SV2C: variants seen among roughly 807,000 people sequenced by gnomAD.
SV2C encodes solute carrier family 22 member B3.
In SV2C, 49 loss-of-function variants were observed where a neutral mutation model predicts 79.7. That is an observed-to-expected ratio of 0.61 (90% CI 0.49 to 0.78). The LOEUF is 0.78. Among genes scored for constraint, SV2C ranks in the 30% least tolerant of loss-of-function variants. SV2C has a pLI of 0.00. For missense variants in SV2C, 833 were observed against 912.9 expected (o/e 0.91, Z 1.13); for synonymous variants, 334 against 333.2 (o/e 1.00, Z -0.03).
intron 12 of SV2C, among the ~76,000 whole-genome samples, chr5:76,316,444 C>T (rs1001779158): frequency 6.6e-6 from 1 of 152,178 alleles, no homozygotes; most frequent in African/African-American, 2.4e-5. Flanking sequence ...GTATTGAACA[C>T]ATCACTAAGG....
At chr5:76,279,106 T>C (rs2112485746) in intron 4 of SV2C, among the ~76,000 whole-genome samples, 1 of 152,294 alleles carries the variant, frequency 6.6e-6, no homozygotes, top group Middle Eastern at 3.4e-3. Flanking sequence ...CACGTGTATC[T>C]GGGGTCTGAC....
At chr5:75,887,191 G>C in the SV2C span, among the ~76,000 whole-genome samples, 1 of 152,036 alleles carries the variant, frequency 6.6e-6, no homozygotes, top group Non-Finnish European at 1.5e-5. Flanking sequence ...CATTACCTCA[G>C]AGATTTATCA....
chr5:75,857,880 T>A, the SV2C span, among the ~76,000 whole-genome samples: 1 of 152,224 alleles, frequency 6.6e-6, no homozygotes, highest in African/African-American at 2.4e-5. Context: ...ACAAATGTGA[T>A]TGTTTTCTTG....
intron 3 of SV2C, among the ~76,000 whole-genome samples, chr5:76,199,716 T>C (rs528634345): frequency 2.2e-4 from 34 of 152,350 alleles, no homozygotes; most frequent in Non-Finnish European, 2.1e-4. Flanking sequence ...ATCTGTGTCA[T>C]TGGCTAGTTA....
At chr5:76,047,735 T>G in the SV2C span, among the ~76,000 whole-genome samples, 2 of 152,000 alleles carry the variant, frequency 1.3e-5, no homozygotes, top group African/African-American at 2.4e-5. Flanking sequence ...GGGACTATAG[T>G]TAACAATATA....
chr5:76,242,479 C>A, intron 4 of SV2C: 1 of 511,420 alleles, frequency 2.0e-6, no homozygotes, highest in South Asian at 1.7e-5. Flanking sequence ...TGAACCAATG[C>A]GCCCAGCCCA....
At chr5:76,230,146 G>T (rs66798584) in intron 4 of SV2C, among the ~76,000 whole-genome samples, 66,475 of 152,002 alleles carry the variant, frequency 0.44, 15,641 homozygotes, top group African/African-American at 0.61. Flanking sequence ...GAGTGTAAAG[G>T]AAGACAAATG....
chr5:76,070,933 C>G, the SV2C span, among the ~76,000 whole-genome samples: 1 of 152,194 alleles, frequency 6.6e-6, no homozygotes, highest in Non-Finnish European at 1.5e-5. Flanking sequence ...AGATGAGTTA[C>G]CTCTTCTGGA....
the SV2C span, among the ~76,000 whole-genome samples, chr5:75,936,099 G>C: frequency 1.3e-5 from 2 of 152,156 alleles, no homozygotes; most frequent in East Asian, 3.8e-4. Context: ...AAAAGCATGA[G>C]TAGAATTAAG....
chr5:75,958,003 A>T, the SV2C span, among the ~76,000 whole-genome samples: 1 of 152,004 alleles, frequency 6.6e-6, no homozygotes, highest in Non-Finnish European at 1.5e-5. Context: ...GGGTGCCCCC[A>T]ACAGAAGGAT....
At chr5:75,944,112 G>A in the SV2C span, among the ~76,000 whole-genome samples, 1 of 152,054 alleles carries the variant, frequency 6.6e-6, no homozygotes, top group African/African-American at 2.4e-5. Context: ...CAAAATCCTG[G>A]GCTCAAGAAA....
At position 76,174,392 on chromosome 5, in the gene SV2C, G is replaced by A. The variant is rs139085466; in HGVS notation, c.581-20527G>A. ...TTTATGAAATCCATCTGCCTCTGGT[G>A]TTTATGTTGGGGTGGGAGTTAATAA... On this transcript the variant is annotated intron_variant, in intron 2 of 12. Transcript: ENST00000502798. Among the ~76,000 whole-genome samples the A allele has an allele frequency of 4.6e-5, 7 of 152,362 alleles. No homozygotes were observed. In the East Asian group the frequency reaches 1.3e-3, roughly 29 times the overall value.
chr5:75,930,740 T>C, the SV2C span, among the ~76,000 whole-genome samples: 1 of 152,238 alleles, frequency 6.6e-6, no homozygotes, highest in African/African-American at 2.4e-5. Flanking sequence ...AAAATGTGAA[T>C]AAAATCTATA....
the SV2C span, among the ~76,000 whole-genome samples, chr5:75,951,528 A>G: frequency 5.9e-5 from 9 of 152,018 alleles, no homozygotes; most frequent in African/African-American, 2.2e-4. Context: ...ACTGTCTCCC[A>G]TGCCAAGGAA....
At chr5:76,336,157 C>CT (rs1749320672), downstream of SV2C, among the ~76,000 whole-genome samples, 1 of 150,638 alleles carries the variant, frequency 6.6e-6, no homozygotes, top group South Asian at 2.1e-4. Flanking sequence ...GGCTGACCCC[C>CT]ACCTCCCTCC....
At chr5:76,224,209 A>G (rs1745175332) in intron 4 of SV2C, among the ~76,000 whole-genome samples, 1 of 152,118 alleles carries the variant, frequency 6.6e-6, no homozygotes, top group South Asian at 2.1e-4. Flanking sequence ...CTGCTGTTTT[A>G]TTGTTAGCTA....
downstream of SV2C, among the ~76,000 whole-genome samples, chr5:76,337,864 T>C (rs1749358217): frequency 6.6e-6 from 1 of 151,322 alleles, no homozygotes. Context: ...AAACTTGGAG[T>C]CAGTAGGCAC....
chr5:75,860,786 C>A, the SV2C span, among the ~76,000 whole-genome samples: 1 of 152,174 alleles, frequency 6.6e-6, no homozygotes, highest in Non-Finnish European at 1.5e-5. Flanking sequence ...AAACCACACA[C>A]CTACAGCCAT....
chr5:76,246,934 C>T (rs1414314732), intron 4 of SV2C, among the ~76,000 whole-genome samples: 1 of 152,102 alleles, frequency 6.6e-6, no homozygotes, highest in African/African-American at 2.4e-5. Context: ...AAATGGAAGC[C>T]ATGGATGGAT....
Sources: gnomAD v4.1 joint callset for allele counts (sites outside exome capture counted in the v4.1 genomes callset) on GRCh38, gnomAD v4.1.1 for gene constraint, MANE v1.5 for transcripts, NCBI Gene and HGNC (gene_info 2026-07-23, HGNC 2026-07-21) for gene names.